Variants in SYK observed in about 807,000 individuals in gnomAD.
SYK encodes the protein tyrosine-protein kinase SYK.
Under a neutral mutation model 77.8 loss-of-function variants are expected in SYK, and 16 were observed. The ratio of observed to expected loss-of-function variants is 0.21; its 90% CI spans 0.14 to 0.31. The LOEUF (loss-of-function observed/expected upper bound fraction) is 0.31. Among genes scored for constraint, SYK ranks in the 10% least tolerant of loss-of-function variants. The pLI is 1.00. For missense variants in SYK, 529 were observed against 814.4 expected (o/e 0.65, Z 4.26); for synonymous variants, 312 against 308.7 (o/e 1.01, Z -0.11).
chr9:90,811,753 A>G (rs1257701156), intron 1 of SYK, among the ~76,000 whole-genome samples: 5 of 88,482 alleles, frequency 5.7e-5, no homozygotes, highest in African/African-American at 2.2e-4. Context: ...CCCCACCTCT[A>G]TGACAAATAC....
At chr9:90,881,282 G>A (rs1028234937) in intron 11 of SYK, among the ~76,000 whole-genome samples, 2 of 152,094 alleles carry the variant, frequency 1.3e-5, no homozygotes, top group African/African-American at 4.8e-5. Context: ...AAGCCACTAG[G>A]GAAATAAAAG....
At chr9:90,809,039 C>G (rs1824966951) in intron 1 of SYK, among the ~76,000 whole-genome samples, 1 of 152,204 alleles carries the variant, frequency 6.6e-6, no homozygotes, top group South Asian at 2.1e-4. Context: ...AGGTGGAAGG[C>G]CACCACTTCC....
chr9:90,880,095 C>T lies in SYK; in HGVS notation c.1581+1142C>T, dbSNP rs1343116152. Among the ~76,000 whole-genome samples, 4 of 152,156 alleles carry T rather than the reference C, an allele frequency of 2.6e-5. No individual in the cohort carries two copies. In the East Asian group the frequency reaches 7.7e-4, roughly 29 times the overall value. ...CACATGCTCAGAAATAGATGGCAGACCTTCAAAATCTACCTAGTGGGTGGC... is the reference window on the plus strand; with the variant it reads ...CACATGCTCAGAAATAGATGGCAGATCTTCAAAATCTACCTAGTGGGTGGC... On this transcript the variant is annotated intron_variant, in intron 11 of 13. Transcript: ENST00000375754.
intron 1 of SYK, among the ~76,000 whole-genome samples, chr9:90,837,611 G>A (rs1209810606): frequency 6.6e-6 from 1 of 152,102 alleles, no homozygotes; most frequent in Non-Finnish European, 1.5e-5. Flanking sequence ...ATGAAGATTT[G>A]CGATGTGATG....
chr9:90,823,591 G>T (rs1825585102), intron 1 of SYK, among the ~76,000 whole-genome samples: 1 of 152,146 alleles, frequency 6.6e-6, no homozygotes, highest in South Asian at 2.1e-4. Context: ...CAAAAAGATG[G>T]AGGTTTTGGG....
At chr9:90,848,323 T>C (rs1287828035) in intron 3 of SYK, among the ~76,000 whole-genome samples, 1 of 152,246 alleles carries the variant, frequency 6.6e-6, no homozygotes, top group Admixed American at 6.5e-5. Context: ...CACCAGATCC[T>C]GTGGCTGCCC....
intron 11 of SYK, among the ~76,000 whole-genome samples, chr9:90,879,345 G>A (rs989452040): frequency 6.6e-6 from 1 of 152,180 alleles, no homozygotes; most frequent in Non-Finnish European, 1.5e-5. Context: ...TCTCAGTAGA[G>A]GGTTTACTGC....
In SYK at chr9:90,844,130, G is replaced by A. The variant is rs773659676; in HGVS notation, c.232G>A (p.Gly78Ser). ...RELNGTYAIA[G>S]GRTHASPADL... Reference sequence around the variant, plus strand: ...GCTGAATGGCACCTACGCCATCGCCGGTGGCAGGACCCATGCCAGCCCCGC... The same window carrying A: ...GCTGAATGGCACCTACGCCATCGCCAGTGGCAGGACCCATGCCAGCCCCGC... The change falls in exon 2 of 14, where the codon GGT (glycine) becomes AGT (serine). Residue 78 changes from glycine to serine, a missense_variant. This residue lies in a region of SYK where 321 missense variants were observed against 433.1 expected (regional missense o/e 0.74). Transcript: ENST00000375754. 5 of 1,613,934 alleles carry A rather than the reference G, an allele frequency of 3.1e-6. No homozygotes were observed. Among genetic ancestry groups the A allele is most frequent in the East Asian group, 2.2e-5 (1 of 44,874 alleles).
chr9:90,893,994 A>T (rs1405362093), intron 13 of SYK, among the ~76,000 whole-genome samples: 4 of 152,202 alleles, frequency 2.6e-5, no homozygotes, highest in Non-Finnish European at 5.9e-5. Flanking sequence ...AGCATCTCCC[A>T]TGGATGTACA....
At chr9:90,836,617 ATC>A (rs1303335294) in intron 1 of SYK, among the ~76,000 whole-genome samples, 1 of 152,226 alleles carries the variant, frequency 6.6e-6, no homozygotes, top group Non-Finnish European at 1.5e-5. Context: ...GATGCTCATC[ATC>A]TCTGTGTGAG....
At chr9:90,847,261 AT>A (rs938061540) in intron 3 of SYK, among the ~76,000 whole-genome samples, 15 of 152,154 alleles carry the variant, frequency 9.9e-5, no homozygotes, top group Non-Finnish European at 1.5e-4. Flanking sequence ...CTTATGGTTT[AT>A]GCAAGAGAGT....
In SYK at chr9:90,874,796, A is replaced by G; in HGVS notation, c.1128A>G (p.Glu376=). ...DRKLLTLEDK[E]LGSGNFGTVK... is the part of the protein sequence containing the mutation. The stretch of plus-strand genomic sequence containing the variant: ...AGCTGCTGACGCTGGAAGACAAAGA[A>G]CTGGGCTCTGGTAATTTTGGAACTG... Residue 376 remains glutamate (E), a synonymous_variant, in exon 9 of 14, where the codon GAA becomes GAG. Coordinates refer to ENST00000375754, the MANE Select transcript of SYK (RefSeq NM_003177.7). 1.2e-6 allele frequency: 2 copies of G among 1,614,120 alleles called. No homozygotes were observed. The highest frequency in any genetic ancestry group is 3.3e-4 in the Middle Eastern group (2 of 6,062).
At chr9:90,894,056 G>C (rs1828892948) in intron 13 of SYK, among the ~76,000 whole-genome samples, 1 of 152,230 alleles carries the variant, frequency 6.6e-6, no homozygotes, top group Admixed American at 6.5e-5. Flanking sequence ...GGACGAGTCT[G>C]TATTCCTGTT....
chr9:90,845,414 C>T lies in SYK; in HGVS notation c.418-20C>T, dbSNP rs930921610. On this transcript the variant is annotated intron_variant, in intron 2 of 13. Coordinates refer to ENST00000375754, the MANE Select transcript of SYK (RefSeq NM_003177.7). ...TTTTTCCTCGGTATGGTTTACTCTG[C>T]TTTGCTCTCCATGTGGCAGGGTCAG... 1.2e-6 allele frequency: 2 copies of T among 1,610,740 alleles called. No homozygotes were observed. Among genetic ancestry groups the T allele is most frequent in the Non-Finnish European group, 1.7e-6 (2 of 1,178,714 alleles).
intron 7 of SYK, among the ~76,000 whole-genome samples, chr9:90,873,615 C>T (rs1231806031): frequency 1.3e-5 from 2 of 152,122 alleles, no homozygotes; most frequent in East Asian, 3.9e-4. Context: ...GTGGCAGCAA[C>T]TGGCCTTCCC....
Position 90,864,670 on chromosome 9 carries a change from G to A in SYK, c.796+3G>A, listed in dbSNP as rs2118801491. 2 of 1,613,032 alleles carry A rather than the reference G, an allele frequency of 1.2e-6. No individual in the cohort carries two copies. Among genetic ancestry groups the A allele is most frequent in the Non-Finnish European group, 1.7e-6 (2 of 1,178,980 alleles). On this transcript the variant is annotated splice_donor_region_variant and intron_variant, in intron 5 of 13. Transcript: ENST00000375754. ...ATGTCAAAAAATCGGCACACAGGGT[G>A]AGTTCCCAAGACACTGGAGTCTCAG...
At chr9:90,851,157 C>G (rs973165343) in intron 3 of SYK, among the ~76,000 whole-genome samples, 9 of 152,162 alleles carry the variant, frequency 5.9e-5, no homozygotes, top group African/African-American at 2.2e-4. Flanking sequence ...TGGGGCTAAG[C>G]AGAAACAGCA....
chr9:90,813,684 C>T (rs10993697), intron 1 of SYK, among the ~76,000 whole-genome samples: 17,419 of 152,114 alleles, frequency 0.11, 1,005 homozygotes, highest in East Asian at 0.17. Flanking sequence ...TGGTTGAGTG[C>T]GGGATGTCAA....
At chr9:90,804,399 A>G (rs1409190583) in intron 1 of SYK, among the ~76,000 whole-genome samples, 2 of 152,224 alleles carry the variant, frequency 1.3e-5, no homozygotes, top group African/African-American at 2.4e-5. Context: ...AAGAAATATT[A>G]TTTCCTGTTA....
Sources: allele counts gnomAD v4.1 joint callset (sites outside exome capture counted in the v4.1 genomes callset), GRCh38; gene constraint gnomAD v4.1.1; regional missense constraint gnomAD v4.1.1; transcripts MANE v1.5; gene names NCBI Gene and HGNC (gene_info 2026-07-23, HGNC 2026-07-21).